Variants in TBC1D26 observed in about 807,000 individuals in gnomAD.
The protein encoded by TBC1D26 is TBC1 domain family member 26, also known as TBC1 domain family, member 26.
Under a neutral mutation model 42.5 loss-of-function variants are expected in TBC1D26, and 19 were observed. The observed-to-expected ratio is 0.45, with a 90% CI of 0.31 to 0.66. The LOEUF (loss-of-function observed/expected upper bound fraction) is 0.66. Ranked by LOEUF, TBC1D26 falls within the 30% of genes least tolerant of loss-of-function variation. The probability of loss-of-function intolerance (pLI) is 0.06; values close to 1 mark genes in which losing one functional copy is unlikely to be tolerated. For missense variants in TBC1D26, 228 were observed against 332.6 expected, an observed-to-expected ratio of 0.69 and a Z score of 2.45; for synonymous variants, 97 against 123.5, an observed-to-expected ratio of 0.79 and a Z score of 1.42.
chr17:15,738,364 T>A lies in TBC1D26; in HGVS notation c.364T>A (p.Ser122Thr), dbSNP rs1366748904. ...TTTGCTAGATATTGACAGAATCAAG[T>A]CCCAGAACCCAGGCAAATATAAGGT... is the stretch of plus-strand genomic sequence containing the variant. ...SLLLDIDRIK[S>T]QNPGKYKVMK... The change falls in exon 7 of 15, where the codon TCC becomes ACC. Residue 122 changes from serine (S) to threonine (T), a missense_variant. Around this residue, in one of 5 missense-constraint regions of TBC1D26, gnomAD observed 72 missense variants for 90.1 expected, o/e 0.80. Coordinates refer to ENST00000437605, the MANE Select transcript of TBC1D26 (RefSeq NM_001388465.1). 1.1e-5 allele frequency: 18 copies of A among 1,613,472 alleles called. No individual in the cohort carries two copies. The highest frequency in any genetic ancestry group is 1.4e-5 in the Non-Finnish European group (16 of 1,180,020).
chr17:15,738,927 G>C (rs1967698930), intron 8 of TBC1D26, 97 bp downstream of exon 8: 2 of 1,543,536 alleles, frequency 1.3e-6, no homozygotes, highest in Admixed American at 1.8e-5. Flanking sequence ...ACCCAGGAGA[G>C]GTGACAGAGC....
intron 10 of TBC1D26, chr17:15,741,498 C>T (rs1967779426): frequency 3.8e-6 from 2 of 526,410 alleles, no homozygotes; most frequent in Admixed American, 3.3e-5. Flanking sequence ...CCGAAGCCAG[C>T]CCCAACTTTG....
chr17:15,742,052 C>A lies in TBC1D26; in HGVS notation c.741+16C>A. 1 of 1,609,668 alleles carries A rather than the reference C, an allele frequency of 6.2e-7. No homozygotes were observed. The highest frequency in any genetic ancestry group is 1.3e-5 in the African/African-American group (1 of 74,974). On this transcript the variant is annotated intron_variant, in intron 11 of 14. Coordinates refer to ENST00000437605, the MANE Select transcript of TBC1D26 (RefSeq NM_001388465.1). ...GAGACACCTGGTGAGTGGATGACACCCTCAGCTCCTAACCAGACGCCCTGG... is the reference window on the plus strand; with the variant it reads ...GAGACACCTGGTGAGTGGATGACACACTCAGCTCCTAACCAGACGCCCTGG...
chr17:15,744,734 G>A lies in TBC1D26; in HGVS notation c.*142G>A, dbSNP rs1240515477. On this transcript the variant is annotated 3_prime_UTR_variant, in exon 15 of 15. Transcript: ENST00000437605. ...CTGAAACAGCTCCTGAAAATGAGAG[G>A]GAAAAGGAAGGTGTAAATATGTTGG... The A allele has an allele frequency of 1.3e-5, 2 of 152,130 alleles. No homozygotes were observed. Among genetic ancestry groups the A allele is most frequent in the African/African-American group, 2.4e-5 (1 of 41,424 alleles). The allele number at this position is 152,130 out of a possible 1,614,324, so 9.4% of individuals were successfully genotyped here. A position where few individuals can be genotyped will look rare whatever the true frequency, so the allele number is the denominator to read the frequency against.
At chr17:15,738,446 A>G in intron 7 of TBC1D26, 59 bp downstream of exon 7, 1 of 1,588,862 alleles carries the variant, frequency 6.3e-7, no homozygotes, top group South Asian at 1.1e-5. Flanking sequence ...TCAGGAGCCC[A>G]GGACTCCAGC....
chr17:15,739,691 C>T (rs1175490949), intron 8 of TBC1D26, among the ~76,000 whole-genome samples: 4 of 152,286 alleles, frequency 2.6e-5, no homozygotes, highest in Non-Finnish European at 4.4e-5. Flanking sequence ...AGCCGGGAGA[C>T]GTTGGCTGCA....
chr17:15,741,696 C>A, intron 10 of TBC1D26: 1 of 545,760 alleles, frequency 1.8e-6, no homozygotes, highest in Non-Finnish European at 3.3e-6. Flanking sequence ...CTGTTCTCCC[C>A]GCTGGCGCCT....
In TBC1D26 at chr17:15,741,980, C is replaced by T. The variant is rs1394925035; in HGVS notation, c.685C>T (p.Leu229=). The part of the protein sequence containing the change: ...SPNTAWLERL[L]SHQEQVLHKS... ...AAATACTGCCTGGCTCGAGAGGCTC[C>T]TATCGCACCAGGAGCAGGTGCTGCA... The change falls in exon 11 of 15, where the codon CTA becomes TTA. Residue 229 remains leucine (L), a synonymous_variant. Transcript: ENST00000437605. 1 of 1,613,972 alleles carries T rather than the reference C, an allele frequency of 6.2e-7. No homozygotes were observed. The highest frequency in any genetic ancestry group is 1.3e-5 in the African/African-American group (1 of 74,924).
rs752852313 is a variant in TBC1D26 at position 15,740,070 on chromosome 17, AAAAAAAACCCTCTTTCC to A, written c.498-29_498-13del. ...ATTGACAGCGTCTGCACACACACAA[AAAAAAAACCCTCTTTCC>A]CCTCTTTTCTAGGCAGCAGGAATTA... is the stretch of plus-strand genomic sequence containing the variant. On this transcript the variant is annotated splice_polypyrimidine_tract_variant and intron_variant, in intron 8 of 14. Coordinates refer to ENST00000437605, the MANE Select transcript of TBC1D26 (RefSeq NM_001388465.1). The A allele has an allele frequency of 3.8e-6, 6 of 1,598,162 alleles. No homozygotes were observed. In the African/African-American group the frequency reaches 6.8e-5, roughly 18 times the overall value.
chr17:15,737,582 G>C, intron 5 of TBC1D26, 59 bp downstream of exon 5: 1 of 1,603,934 alleles, frequency 6.2e-7, no homozygotes, highest in Admixed American at 1.7e-5. Context: ...TCGGGTGGTC[G>C]GTAAGGCAGA....
chr17:15,741,440 C>A, intron 10 of TBC1D26: 1 of 740,184 alleles, frequency 1.4e-6, no homozygotes, highest in African/African-American at 1.8e-5. Flanking sequence ...GGCTTTCATC[C>A]CTAACATCAG....
chr17:15,741,915 T>TG, intron 10 of TBC1D26, 27 bp from the exon 11 acceptor site: 2 of 1,610,844 alleles, frequency 1.2e-6, no homozygotes, highest in South Asian at 2.2e-5. Flanking sequence ...TGGGGTCTGA[T>TG]GGGGTGATGG....
chr17:15,737,795 G>A (rs62072378), intron 5 of TBC1D26: 20,364 of 818,654 alleles, frequency 0.025, 339 homozygotes, highest in Admixed American at 0.034. Context: ...GGCATTTATG[G>A]CCTGAGGATG....
intron 9 of TBC1D26, 123 bp from the exon 10 acceptor site, chr17:15,740,999 A>C: frequency 7.5e-7 from 1 of 1,329,632 alleles, no homozygotes; most frequent in South Asian, 1.3e-5. Context: ...CTGCACCTCA[A>C]ATCCCCTGGG....
rs781741168 is a variant in TBC1D26 at position 15,740,267 on chromosome 17, G to A, written c.546+119G>A. ...AGTGTTTGTCCACCAGGACGTAGTA[G>A]GCAGGACTTCAGCTCGCTGCTGGCA... On this transcript the variant is annotated intron_variant, in intron 9 of 14. Transcript: ENST00000437605. 68 of 1,609,890 alleles carry A rather than the reference G, an allele frequency of 4.2e-5. No individual in the cohort carries two copies. The African/African-American group carries it at 8.8e-4, about 21-fold the overall frequency.
At chr17:15,738,246 G>A (rs1201351635) in intron 6 of TBC1D26, 34 bp from the exon 7 acceptor site, 4 of 1,613,218 alleles carry the variant, frequency 2.5e-6, no homozygotes, top group Non-Finnish European at 2.5e-6. Context: ...GTCGCCCCAT[G>A]TCCTTTCTCA....
At chr17:15,737,293 C>A (rs62072377) in intron 4 of TBC1D26, among the ~76,000 whole-genome samples, 191 bp from the exon 5 acceptor site, 37 of 152,256 alleles carry the variant, frequency 2.4e-4, no homozygotes, top group Non-Finnish European at 4.1e-4. Context: ...TGAGCTTCTT[C>A]TTCTCCAAGG....
intron 1 of TBC1D26, among the ~76,000 whole-genome samples, chr17:15,733,327 A>G (rs1967528365): frequency 1.3e-5 from 2 of 152,052 alleles, no homozygotes; most frequent in Non-Finnish European, 2.9e-5. Context: ...CATAGCAGAA[A>G]TGAGTCATGG....
chr17:15,738,008 G>A lies in TBC1D26; in HGVS notation c.210G>A (p.Lys70=), dbSNP rs1215141822. 2 of 1,614,142 alleles carry A rather than the reference G, an allele frequency of 1.2e-6. No homozygotes were observed. The highest frequency in any genetic ancestry group is 1.1e-5 in the South Asian group (1 of 91,080). The part of the protein sequence containing the change: ...VSALEVKQRR[K]ESKRTNKWQK... Reference sequence around the variant, plus strand: ...GGCTCATTTGACAGCAAAGACGCAAGGAAAGTAAACGTACCAACAAGTGGC... The same window carrying A: ...GGCTCATTTGACAGCAAAGACGCAAAGAAAGTAAACGTACCAACAAGTGGC... The change falls in exon 6 of 15, where the codon AAG becomes AAA. Residue 70 remains lysine (K), a synonymous_variant. Transcript: ENST00000437605.
Sources: allele counts gnomAD v4.1 joint callset (sites outside exome capture counted in the v4.1 genomes callset), GRCh38; gene constraint gnomAD v4.1.1; regional missense constraint gnomAD v4.1.1; transcripts MANE v1.5; gene names NCBI Gene and HGNC (gene_info 2026-07-23, HGNC 2026-07-21).